BCLAF1: variants seen among roughly 807,000 people sequenced by gnomAD.
The protein encoded by BCLAF1 is BCL2 associated transcription factor 1, also known as bcl-2-associated transcription factor 1.
BCLAF1 carries 10 observed loss-of-function variants against 99.5 expected under a neutral mutation model. That is an observed-to-expected ratio of 0.10 (90% confidence interval 0.06 to 0.17). The LOEUF is 0.17. Among genes scored for constraint, BCLAF1 ranks in the 10% least tolerant of loss-of-function variants. BCLAF1 has a pLI of 1.00. For synonymous variants in BCLAF1, 255 were observed against 370.9 expected, an observed-to-expected ratio of 0.69 and a Z score of 3.59; for missense variants, 636 against 1,105.8, an observed-to-expected ratio of 0.58 and a Z score of 6.02.
At chr6:136,287,519 G>A (rs1050445037) in intron 1 of BCLAF1, among the ~76,000 whole-genome samples, 1 of 152,130 alleles carries the variant, frequency 6.6e-6, no homozygotes, top group Non-Finnish European at 1.5e-5. Flanking sequence ...AGAGATTTTA[G>A]CTTCTTAATT....
chr6:136,277,492 T>C (rs1242398557), intron 4 of BCLAF1, among the ~76,000 whole-genome samples: 1 of 152,118 alleles, frequency 6.6e-6, no homozygotes, highest in Admixed American at 6.6e-5. Context: ...GGACCGAAAA[T>C]GGTAAAATTA....
At chr6:136,284,158 A>ATATT (rs1421101274) in intron 1 of BCLAF1, among the ~76,000 whole-genome samples, 1 of 143,990 alleles carries the variant, frequency 6.9e-6, no homozygotes, top group South Asian at 2.2e-4. Flanking sequence ...ATATATATAT[A>ATATT]TCCAGAGAAG....
chr6:136,262,988 G>A lies in BCLAF1; in HGVS notation c.2545-1511C>T, dbSNP rs539792028. On this transcript the variant is annotated intron_variant, in intron 11 of 12. Transcript: ENST00000531224. ...GAACACAGATCAGCAGGAAGTGCCC[G>A]GCCCAGTGTCTGACAAGCAAGCACT... is the stretch of plus-strand genomic sequence containing the variant. Among the ~76,000 whole-genome samples, 8 of 152,218 alleles carry A rather than the reference G, an allele frequency of 5.3e-5. No individual in the cohort carries two copies. In the East Asian group the frequency reaches 9.7e-4, roughly 18 times the overall value.
Position 136,278,153 on chromosome 6 carries a change from G to C in BCLAF1, c.728C>G (p.Ser243Cys), listed in dbSNP as rs778616454. The part of the protein sequence containing the change: ...ATPPSQSSSC[S>C]DAPMLSTVHS... ...AACTGTACTGAGCATGGGAGCATCA[G>C]AGCAAGATGAACTCTGACTAGGTGG... is the stretch of plus-strand genomic sequence containing the variant. The change falls in exon 4 of 13, where the codon TCT becomes TGT. Residue 243 changes from serine (S) to cysteine (C), a missense_variant. Ser to Cys is a moderately radical substitution (Grantham distance 112, BLOSUM62 -1). Around this residue, in one of 9 missense-constraint regions of BCLAF1, gnomAD observed 65 missense variants for 90.9 expected, o/e 0.71. Transcript: ENST00000531224. The C allele has an allele frequency of 9.3e-6, 15 of 1,608,190 alleles. No individual in the cohort carries two copies. The South Asian group carries it at 1.7e-4, about 18-fold the overall frequency.
Position 136,261,462 on chromosome 6 carries a change from C to T in BCLAF1, c.2560G>A (p.Asp854Asn). 2 of 1,613,462 alleles carry T rather than the reference C, an allele frequency of 1.2e-6. No individual in the cohort carries two copies. Among genetic ancestry groups the T allele is most frequent in the East Asian group, 2.2e-5 (1 of 44,858 alleles). ...CTTTTGGCCCAATAATCCACACCAT[C>T]ATCTCTGTCGTCATGCTACAGAAAG... ...KKYFLHDDRDDGVDYWAKRGR... is the reference protein window; with the variant it reads ...KKYFLHDDRDNGVDYWAKRGR... Residue 854 changes from aspartate (D) to asparagine (N), a missense_variant, in exon 12 of 13, where the codon GAT becomes AAT. By Grantham distance (23) the Asp-to-Asn change is conservative (BLOSUM62 1). This residue lies in a region of BCLAF1 where 57 missense variants were observed against 116.7 expected (regional missense o/e 0.49). Transcript: ENST00000531224.
chr6:136,267,718 G>T (rs1781918428), intron 10 of BCLAF1, among the ~76,000 whole-genome samples: 1 of 151,918 alleles, frequency 6.6e-6, no homozygotes. Context: ...TATGCTATGT[G>T]AAATATTTAT....
intron 11 of BCLAF1, among the ~76,000 whole-genome samples, chr6:136,263,167 C>T (rs981412885): frequency 2.0e-5 from 3 of 152,148 alleles, no homozygotes; most frequent in African/African-American, 7.2e-5. Flanking sequence ...AACTGAGGCA[C>T]TGAGAAATTA....
At chr6:136,268,086 T>G in intron 10 of BCLAF1, 76 bp downstream of exon 10, 1 of 1,276,904 alleles carries the variant, frequency 7.8e-7, no homozygotes, top group Non-Finnish European at 1.0e-6. Context: ...CTCTAAATCA[T>G]GTATATGACC....
chr6:136,267,940 A>C (rs1251156414), intron 10 of BCLAF1, among the ~76,000 whole-genome samples: 1 of 151,996 alleles, frequency 6.6e-6, no homozygotes, highest in Non-Finnish European at 1.5e-5. Flanking sequence ...TTGATCTCGA[A>C]GTCAAGAAAA....
intron 11 of BCLAF1, among the ~76,000 whole-genome samples, chr6:136,263,027 CA>C (rs1781231475): frequency 6.6e-6 from 1 of 152,090 alleles, no homozygotes; most frequent in East Asian, 1.9e-4. Context: ...TAAATGGTGG[CA>C]AAAATGATGT....
At chr6:136,274,138 G>A in intron 6 of BCLAF1, 3 of 1,288,738 alleles carry the variant, frequency 2.3e-6, no homozygotes, top group Non-Finnish European at 3.0e-6. Flanking sequence ...TCTTTCAACA[G>A]CTATTTTACT....
chr6:136,283,200 A>C (rs1024985368), intron 1 of BCLAF1, among the ~76,000 whole-genome samples: 16 of 151,758 alleles, frequency 1.1e-4, no homozygotes, highest in African/African-American at 3.4e-4. Flanking sequence ...AAAAAAAAAA[A>C]AAAAGGTAAT....
At chr6:136,265,978 G>C (rs1003393286) in intron 11 of BCLAF1, among the ~76,000 whole-genome samples, 1 of 151,388 alleles carries the variant, frequency 6.6e-6, no homozygotes, top group African/African-American at 2.4e-5. Context: ...TTACTTTCCA[G>C]AATGTCAATT....
chr6:136,260,676 T>C lies in BCLAF1; in HGVS notation c.*434A>G, dbSNP rs527542711. 2 of 193,794 alleles carry C rather than the reference T, an allele frequency of 1.0e-5. No individual in the cohort carries two copies. Among genetic ancestry groups the C allele is most frequent in the African/African-American group, 2.3e-5 (1 of 43,314 alleles). 12.0% of individuals were successfully genotyped at this position (193,794 alleles called of 1,614,324 possible). ...AGTGTGTTCAAATTAAACAGATGTA[T>C]ACAGTTAAAATAATTAGTGTAGTCT... On this transcript the variant is annotated 3_prime_UTR_variant, in exon 13 of 13. Transcript: ENST00000531224.
rs946324153 is a variant in BCLAF1 at position 136,260,944 on chromosome 6, TCTA to T, written c.*163_*165del. 2.0e-5 allele frequency: 13 copies of T among 648,302 alleles called. No homozygotes were observed. The South Asian group carries it at 2.1e-4, about 10-fold the overall frequency. 40.2% of individuals were successfully genotyped at this position (648,302 alleles called of 1,614,324 possible). A position where few individuals can be genotyped will look rare whatever the true frequency, so the allele number is the denominator to read the frequency against. On this transcript the variant is annotated 3_prime_UTR_variant, in exon 13 of 13. Coordinates refer to ENST00000531224, the MANE Select transcript of BCLAF1 (RefSeq NM_014739.3). ...TTTCAGTACAATTTTCAACATACAG[TCTA>T]CTATTTCTCAAGATATTTGAAGACT...
At chr6:136,276,855 A>C (rs1419297339) in intron 4 of BCLAF1, among the ~76,000 whole-genome samples, 1 of 152,202 alleles carries the variant, frequency 6.6e-6, no homozygotes, top group African/African-American at 2.4e-5. Flanking sequence ...TAGATAATAC[A>C]TTGTTAGAAT....
chr6:136,286,486 A>G (rs1329465287), intron 1 of BCLAF1, among the ~76,000 whole-genome samples: 1 of 152,220 alleles, frequency 6.6e-6, no homozygotes, highest in Non-Finnish European at 1.5e-5. Context: ...TAAGGCATGT[A>G]AACAGCTTAG....
rs1326274603 is a variant in BCLAF1, at chr6:136,258,401, AAAAC to A, written c.*2705_*2708del. 6.6e-6 allele frequency: 1 copy of A among 151,776 alleles called. No individual in the cohort carries two copies. Among genetic ancestry groups the A allele is most frequent in the African/African-American group, 2.4e-5 (1 of 41,242 alleles). The allele number at this position is 151,776 out of a possible 1,614,324, so 9.4% of individuals were successfully genotyped here. On this transcript the variant is annotated 3_prime_UTR_variant, in exon 13 of 13. Coordinates refer to ENST00000531224, the MANE Select transcript of BCLAF1 (RefSeq NM_014739.3). ...CAAGGGAAAAACAAAAACAAAAACA[AAAAC>A]AAAAACAAAAACAAAAACAAGACAA...
intron 6 of BCLAF1, among the ~76,000 whole-genome samples, chr6:136,274,798 T>A (rs372944372): frequency 5.9e-5 from 9 of 152,128 alleles, no homozygotes; most frequent in African/African-American, 2.2e-4. Flanking sequence ...CTTGAAAATC[T>A]TTGAAAATTA....
Sources: gnomAD v4.1 joint callset for allele counts (sites outside exome capture counted in the v4.1 genomes callset) on GRCh38, gnomAD v4.1.1 for gene constraint, gnomAD v4.1.1 regional missense constraint, MANE v1.5 for transcripts, NCBI Gene and HGNC (gene_info 2026-07-23, HGNC 2026-07-21) for gene names.